Variants in GSTCD observed in about 807,000 individuals in gnomAD.
The protein encoded by GSTCD is glutathione S-transferase C-terminal domain-containing protein.
GSTCD carries 44 observed loss-of-function variants against 68.3 expected under a neutral mutation model. The ratio of observed to expected loss-of-function variants is 0.64; its 90% CI spans 0.51 to 0.83. The LOEUF (loss-of-function observed/expected upper bound fraction) is 0.83. GSTCD is among the 40% of genes least tolerant of loss of function. The probability of loss-of-function intolerance (pLI) is 0.00; values close to 1 mark genes in which losing one functional copy is unlikely to be tolerated. For missense variants in GSTCD, 739 were observed against 735.9 expected (o/e 1.00, Z -0.05); for synonymous variants, 273 against 255.2 (o/e 1.07, Z -0.67).
intron 8 of GSTCD, among the ~76,000 whole-genome samples, chr4:105,828,821 G>T (rs1036175538): frequency 1.3e-5 from 2 of 152,090 alleles, no homozygotes; most frequent in Non-Finnish European, 2.9e-5. Context: ...GACTGAAATC[G>T]TGTTTAATTA....
chr4:105,756,495 TACACACACAC>T (rs3055931), intron 5 of GSTCD, among the ~76,000 whole-genome samples: 6 of 139,478 alleles, frequency 4.3e-5, no homozygotes, highest in Non-Finnish European at 6.2e-5. Context: ...CCTATGCACA[TACACACACAC>T]ACACACACAC....
intron 5 of GSTCD, among the ~76,000 whole-genome samples, chr4:105,768,652 A>C (rs1372361517): frequency 6.6e-6 from 1 of 152,018 alleles, no homozygotes; most frequent in Non-Finnish European, 1.5e-5. Flanking sequence ...CTTTAAGTTA[A>C]ACTCACAATA....
At chr4:105,826,153 A>G (rs1723595335) in intron 8 of GSTCD, 1 of 152,536 alleles carries the variant, frequency 6.6e-6, no homozygotes, top group African/African-American at 2.4e-5. Context: ...GAAGGAAAAG[A>G]AAAAAGAAGA....
chr4:105,778,324 A>C (rs1477206547), intron 5 of GSTCD, among the ~76,000 whole-genome samples: 2 of 152,168 alleles, frequency 1.3e-5, no homozygotes, highest in Non-Finnish European at 2.9e-5. Flanking sequence ...CTTATAGTAT[A>C]TATGTGTATA....
chr4:105,780,633 T>A (rs756034315), intron 5 of GSTCD, among the ~76,000 whole-genome samples: 33 of 152,222 alleles, frequency 2.2e-4, no homozygotes, highest in Admixed American at 3.9e-4. Flanking sequence ...CCAACTTTTT[T>A]AAATTAACTT....
intron 3 of GSTCD, among the ~76,000 whole-genome samples, chr4:105,722,177 T>TACAC (rs899987561): frequency 1.3e-5 from 2 of 150,948 alleles, no homozygotes; most frequent in African/African-American, 4.9e-5. Context: ...AATACACACA[T>TACAC]ACACACACAC....
rs138445581 is a variant in GSTCD, at chr4:105,812,661, A to T, written c.1241-10293A>T. 2.4e-3 allele frequency among the ~76,000 whole-genome samples: 372 copies of T among 151,968 alleles called. 2 individuals carry two copies. The highest frequency in any genetic ancestry group is 8.6e-3 in the African/African-American group (358 of 41,442). ...ATTAAGGTAAGTCTTGAATATATAT[A>T]TTTTTTTTACTAAATCCAAGCCATT... On this transcript the variant is annotated intron_variant, in intron 5 of 11. Coordinates refer to ENST00000515279, the MANE Select transcript of GSTCD (RefSeq NM_001370181.1).
chr4:105,725,036 G>A (rs888812887), intron 3 of GSTCD, among the ~76,000 whole-genome samples: 5 of 151,770 alleles, frequency 3.3e-5, no homozygotes, highest in African/African-American at 1.2e-4. Flanking sequence ...TTCTTAGAGA[G>A]GGGTAAAAAC....
intron 3 of GSTCD, among the ~76,000 whole-genome samples, chr4:105,722,224 C>G (rs1732879756): frequency 6.6e-6 from 1 of 151,952 alleles, no homozygotes. Flanking sequence ...AAAATCATTC[C>G]TCTTTTAGAA....
chr4:105,790,727 C>T (rs1217946032), intron 5 of GSTCD, among the ~76,000 whole-genome samples: 1 of 151,994 alleles, frequency 6.6e-6, no homozygotes, highest in Non-Finnish European at 1.5e-5. Context: ...GGGGAATAAA[C>T]CTTACAGAGC....
At chr4:105,750,724 G>A (rs760397347) in intron 5 of GSTCD, among the ~76,000 whole-genome samples, 2 of 152,058 alleles carry the variant, frequency 1.3e-5, no homozygotes, top group Non-Finnish European at 2.9e-5. Context: ...ATTCTTAGTG[G>A]CCCCCTAACT....
intron 9 of GSTCD, 110 bp from the exon 10 acceptor site, chr4:105,837,749 A>G (rs570942775): frequency 1.9e-6 from 1 of 529,098 alleles, no homozygotes; most frequent in South Asian, 2.4e-5. Context: ...TCACCATAGC[A>G]TTTTATGCTT....
chr4:105,764,729 C>T (rs1480639713), intron 5 of GSTCD, among the ~76,000 whole-genome samples: 1 of 152,168 alleles, frequency 6.6e-6, no homozygotes, highest in Non-Finnish European at 1.5e-5. Context: ...CAAATATAGT[C>T]ATGTTGGAGG....
In GSTCD at chr4:105,733,934, C is replaced by T. The variant is rs533739973; in HGVS notation, c.1240+4435C>T. Among the ~76,000 whole-genome samples, 6 of 152,206 alleles carry T rather than the reference C, an allele frequency of 3.9e-5. No individual in the cohort carries two copies. The East Asian group carries it at 9.7e-4, about 25-fold the overall frequency. ...TTGTCTGTAACGGATTTTATTTCTC[C>T]TTCACTTATGAAGCTTAGTTTGGCT... On this transcript the variant is annotated intron_variant, in intron 5 of 11. Coordinates refer to ENST00000515279, the MANE Select transcript of GSTCD (RefSeq NM_001370181.1).
intron 5 of GSTCD, among the ~76,000 whole-genome samples, chr4:105,754,212 C>A (rs1198420972): frequency 2.0e-5 from 3 of 152,090 alleles, no homozygotes; most frequent in Non-Finnish European, 4.4e-5. Context: ...ATTAGGCCAA[C>A]TTACATTGGA....
At chr4:105,821,812 A>G (rs1723307287) in intron 5 of GSTCD, among the ~76,000 whole-genome samples, 1 of 151,890 alleles carries the variant, frequency 6.6e-6, no homozygotes, top group South Asian at 2.1e-4. Flanking sequence ...ATTGAAAGTA[A>G]CCATACATGT....
In GSTCD at chr4:105,726,089, G is replaced by A. The variant is rs544730209; in HGVS notation, c.895-490G>A. On this transcript the variant is annotated intron_variant, in intron 3 of 11. Transcript: ENST00000515279. ...AAACACTGCTACATTATAATGTATA[G>A]CAACATTATTTATAATAACCAACAA... 1.6e-4 allele frequency among the ~76,000 whole-genome samples: 24 copies of A among 152,206 alleles called. 1 individual carries two copies. In the South Asian group the frequency reaches 2.3e-3, roughly 14 times the overall value.
At chr4:105,840,123 G>C (rs879201245) in intron 10 of GSTCD, 3 of 436,960 alleles carry the variant, frequency 6.9e-6, no homozygotes, top group South Asian at 4.9e-5. Flanking sequence ...TGACCAAAGA[G>C]AACATACACA....
chr4:105,828,700 G>C (rs2216516), intron 8 of GSTCD, among the ~76,000 whole-genome samples: 123,738 of 152,180 alleles, frequency 0.81, 50,698 homozygotes, highest in East Asian at 0.96. Context: ...ATGCATGCCA[G>C]GCAGAGTGGC....
Sources: gnomAD v4.1 joint callset for allele counts (sites outside exome capture counted in the v4.1 genomes callset) on GRCh38, gnomAD v4.1.1 for gene constraint, MANE v1.5 for transcripts, NCBI Gene and HGNC (gene_info 2026-07-23, HGNC 2026-07-21) for gene names.